Variants in CSMD1 observed in about 807,000 individuals in gnomAD.
CSMD1 encodes CUB and sushi domain-containing protein 1.
In CSMD1, 213 loss-of-function variants were observed where a neutral mutation model predicts 417.5. That is an observed-to-expected ratio of 0.51 (90% CI 0.46 to 0.57). The LOEUF is 0.57. Among genes scored for constraint, CSMD1 ranks in the 20% least tolerant of loss-of-function variants. The pLI, the probability that CSMD1 is intolerant of heterozygous loss-of-function variation, is 0.00. For synonymous variants in CSMD1, 2,862 were observed against 1,736.8 expected, an observed-to-expected ratio of 1.65 and a Z score of -16.11; for missense variants, 6,923 against 4,529.7, an observed-to-expected ratio of 1.53 and a Z score of -15.17.
At chr8:4,013,859 T>C (rs538940147) in intron 4 of CSMD1, among the ~76,000 whole-genome samples, 152 of 152,268 alleles carry the variant, frequency 1.0e-3, no homozygotes, top group African/African-American at 3.6e-3. Flanking sequence ...CAGACAAGGG[T>C]AGCTAAAACA....
intron 1 of CSMD1, among the ~76,000 whole-genome samples, chr8:4,915,509 A>C (rs971161535): frequency 1.3e-5 from 2 of 152,152 alleles, no homozygotes; most frequent in Non-Finnish European, 1.5e-5. Flanking sequence ...GGGTTTCCAT[A>C]CAAAAAGCAG....
intron 2 of CSMD1, among the ~76,000 whole-genome samples, chr8:4,537,463 T>C (rs1254218671): frequency 1.3e-5 from 2 of 152,188 alleles, no homozygotes; most frequent in African/African-American, 4.8e-5. Flanking sequence ...TATTACTAAT[T>C]GCTATAAGGC....
chr8:3,450,326 T>A (rs137882837), intron 12 of CSMD1, among the ~76,000 whole-genome samples: 1 of 152,008 alleles, frequency 6.6e-6, no homozygotes, highest in Non-Finnish European at 1.5e-5. Context: ...TTTTTTTTAT[T>A]ATGCTTTCAG....
At chr8:3,400,613 C>T (rs971603761) in intron 15 of CSMD1, among the ~76,000 whole-genome samples, 26 of 151,866 alleles carry the variant, frequency 1.7e-4, no homozygotes, top group Non-Finnish European at 2.5e-4. Flanking sequence ...TTTGAAGTAA[C>T]GTTTGGAAAT....
chr8:4,472,217 A>C (rs1800574830), intron 2 of CSMD1, among the ~76,000 whole-genome samples: 1 of 152,270 alleles, frequency 6.6e-6, no homozygotes, highest in Non-Finnish European at 1.5e-5. Flanking sequence ...AAATCTCAAA[A>C]ATTATTTTAA....
In CSMD1 at chr8:3,155,315, G is replaced by A. The variant is rs377085173; in HGVS notation, c.5914+2582C>T. Among the ~76,000 whole-genome samples the A allele has an allele frequency of 9.9e-5, 12 of 120,900 alleles. No individual in the cohort carries two copies. In the East Asian group the frequency reaches 1.0e-3, roughly 10 times the overall value. 79.3% of individuals were successfully genotyped at this position (120,900 alleles called of 152,430 possible). On this transcript the variant is annotated intron_variant, in intron 39 of 69. Transcript: ENST00000635120. ...AATCAAAGGCAGTTTTAATTGTTTC[G>A]TTTTTTAAATTTTTTAATTTTTTCC...
chr8:3,427,526 A>T (rs1370403967), intron 12 of CSMD1, among the ~76,000 whole-genome samples: 1 of 152,190 alleles, frequency 6.6e-6, no homozygotes, highest in African/African-American at 2.4e-5. Flanking sequence ...ATGAAGTAAA[A>T]AGAACCTTCT....
chr8:4,353,450 T>C (rs1801215409), intron 3 of CSMD1, among the ~76,000 whole-genome samples: 1 of 152,064 alleles, frequency 6.6e-6, no homozygotes, highest in African/African-American at 2.4e-5. Flanking sequence ...TATGTCTTTA[T>C]TAGCAGTGTG....
At chr8:4,174,587 C>A (rs1432737249) in intron 3 of CSMD1, among the ~76,000 whole-genome samples, 1 of 150,028 alleles carries the variant, frequency 6.7e-6, no homozygotes, top group Non-Finnish European at 1.5e-5. Flanking sequence ...GGCTGGGATA[C>A]ACAATGTCTG....
intron 1 of CSMD1, among the ~76,000 whole-genome samples, chr8:4,673,956 C>G (rs554865616): frequency 6.6e-6 from 1 of 152,146 alleles, no homozygotes; most frequent in Non-Finnish European, 1.5e-5. Flanking sequence ...GAGGTGATTG[C>G]ACACCTCTGT....
At chr8:3,163,057 C>G (rs544256631) in intron 37 of CSMD1, among the ~76,000 whole-genome samples, 2 of 152,250 alleles carry the variant, frequency 1.3e-5, no homozygotes, top group South Asian at 4.1e-4. Flanking sequence ...TTTGGTTTAT[C>G]AAAAGGTACA....
intron 8 of CSMD1, among the ~76,000 whole-genome samples, chr8:3,591,599 G>C (rs1273263494): frequency 2.0e-5 from 3 of 152,182 alleles, no homozygotes; most frequent in African/African-American, 7.2e-5. Flanking sequence ...TCTACTGACT[G>C]GCTAGGTAAG....
intron 1 of CSMD1, among the ~76,000 whole-genome samples, chr8:4,867,612 T>C (rs1802493481): frequency 6.6e-6 from 1 of 152,114 alleles, no homozygotes; most frequent in Non-Finnish European, 1.5e-5. Flanking sequence ...TTGTATCACC[T>C]TGCACTTAAC....
chr8:3,549,348 G>A (rs922509936), intron 10 of CSMD1, among the ~76,000 whole-genome samples: 1 of 152,292 alleles, frequency 6.6e-6, no homozygotes, highest in East Asian at 1.9e-4. Context: ...TTCTGTTCTA[G>A]GCCAAGTGGT....
intron 2 of CSMD1, among the ~76,000 whole-genome samples, chr8:4,612,536 C>A (rs983330585): frequency 6.6e-6 from 1 of 152,114 alleles, no homozygotes; most frequent in South Asian, 2.1e-4. Flanking sequence ...GCATTTTAAG[C>A]TTTCTCCACA....
At chr8:4,198,201 A>G (rs1293984596) in intron 3 of CSMD1, among the ~76,000 whole-genome samples, 1 of 152,242 alleles carries the variant, frequency 6.6e-6, no homozygotes, top group Non-Finnish European at 1.5e-5. Context: ...AGAGAGTCCA[A>G]GGTAGCAAAT....
chr8:4,780,382 A>T, intron 1 of CSMD1, among the ~76,000 whole-genome samples: 1 of 152,102 alleles, frequency 6.6e-6, no homozygotes, highest in East Asian at 1.9e-4. Context: ...AAATCAGTGG[A>T]ACTCAAGGCA....
intron 3 of CSMD1, among the ~76,000 whole-genome samples, chr8:4,144,125 G>A (rs908489824): frequency 1.3e-5 from 2 of 151,032 alleles, no homozygotes; most frequent in African/African-American, 2.5e-5. Flanking sequence ...TAGGTTCCCT[G>A]CCCCCAGACC....
At chr8:4,680,439 G>C (rs182946108) in intron 1 of CSMD1, among the ~76,000 whole-genome samples, 4 of 152,130 alleles carry the variant, frequency 2.6e-5, no homozygotes, top group Non-Finnish European at 5.9e-5. Context: ...ATTGAGTGAC[G>C]TACCATGTTC....
Sources: gnomAD v4.1 joint callset for allele counts (sites outside exome capture counted in the v4.1 genomes callset) on GRCh38, gnomAD v4.1.1 for gene constraint, MANE v1.5 for transcripts, NCBI Gene and HGNC (gene_info 2026-07-23, HGNC 2026-07-21) for gene names.